Variants in APBB1IP observed in about 807,000 individuals in gnomAD.
APBB1IP encodes the protein amyloid beta A4 precursor protein-binding family B member 1-interacting protein.
A neutral mutation model predicts 64.9 loss-of-function variants in APBB1IP; 27 were observed. The observed-to-expected ratio is 0.42, with a 90% CI of 0.31 to 0.57. The LOEUF is 0.57. Ranked by LOEUF, APBB1IP falls within the 20% of genes least tolerant of loss-of-function variation. The pLI is 0.20. For synonymous variants in APBB1IP, 392 were observed against 331.0 expected, an observed-to-expected ratio of 1.18 and a Z score of -2.00; for missense variants, 812 against 845.5, an observed-to-expected ratio of 0.96 and a Z score of 0.49.
chr10:26,490,063 A>G (rs1280902569), intron 2 of APBB1IP, among the ~76,000 whole-genome samples: 2 of 152,184 alleles, frequency 1.3e-5, no homozygotes, highest in Non-Finnish European at 2.9e-5. Flanking sequence ...CAATGGAATC[A>G]TTTTTAAGAA....
chr10:26,449,451 A>G (rs4601668), intron 2 of APBB1IP, among the ~76,000 whole-genome samples: 60,708 of 152,016 alleles, frequency 0.4, 12,274 homozygotes, highest in South Asian at 0.5. Flanking sequence ...TAAGCACTTC[A>G]TATGCACCAG....
intron 11 of APBB1IP, among the ~76,000 whole-genome samples, chr10:26,550,380 G>T (rs902793505): frequency 5.3e-5 from 8 of 151,860 alleles, no homozygotes; most frequent in African/African-American, 1.5e-4. Context: ...TTTAAAGTTA[G>T]TTACATGTAG....
At chr10:26,539,643 C>A (rs1186625947) in intron 10 of APBB1IP, among the ~76,000 whole-genome samples, 1 of 151,980 alleles carries the variant, frequency 6.6e-6, no homozygotes, top group Non-Finnish European at 1.5e-5. Flanking sequence ...ATTTTTAATA[C>A]CTTATGGCCA....
At chr10:26,523,391 GT>G (rs1442554203) in intron 8 of APBB1IP, among the ~76,000 whole-genome samples, 4 of 152,218 alleles carry the variant, frequency 2.6e-5, no homozygotes, top group Non-Finnish European at 5.9e-5. Flanking sequence ...AAAAGGATTT[GT>G]GATGAGTCTT....
At chr10:26,450,374 TG>T (rs1319974187) in intron 2 of APBB1IP, among the ~76,000 whole-genome samples, 20 of 152,060 alleles carry the variant, frequency 1.3e-4, no homozygotes, top group African/African-American at 4.3e-4. Context: ...CCTTGTATTT[TG>T]ACATTTTGAA....
intron 11 of APBB1IP, among the ~76,000 whole-genome samples, chr10:26,543,206 C>A (rs1420829597): frequency 6.6e-6 from 1 of 151,938 alleles, no homozygotes; most frequent in Admixed American, 6.6e-5. Context: ...GTGGCTCACA[C>A]CTGTAGTCCC....
chr10:26,451,541 G>A (rs1195918358), intron 2 of APBB1IP, among the ~76,000 whole-genome samples: 3 of 152,194 alleles, frequency 2.0e-5, no homozygotes, highest in East Asian at 1.9e-4. Flanking sequence ...CCATTTGGAC[G>A]TCCAGAATCA....
chr10:26,553,635 G>A (rs578148448), intron 11 of APBB1IP, among the ~76,000 whole-genome samples: 22 of 152,270 alleles, frequency 1.4e-4, no homozygotes, highest in African/African-American at 5.3e-4. Context: ...TCCAGCCTGG[G>A]CAACAGAGGC....
At chr10:26,461,009 A>G (rs1835583012) in intron 2 of APBB1IP, among the ~76,000 whole-genome samples, 1 of 152,146 alleles carries the variant, frequency 6.6e-6, no homozygotes, top group Admixed American at 6.5e-5. Context: ...AATCACAGGT[A>G]GAATCCTAAC....
intron 8 of APBB1IP, among the ~76,000 whole-genome samples, chr10:26,531,817 A>G (rs1836558370): frequency 6.6e-6 from 1 of 152,174 alleles, no homozygotes; most frequent in African/African-American, 2.4e-5. Flanking sequence ...CATGGTGCAC[A>G]TGCCTATAGT....
intron 2 of APBB1IP, among the ~76,000 whole-genome samples, chr10:26,487,006 A>G (rs1192650902): frequency 6.6e-6 from 1 of 152,140 alleles, no homozygotes; most frequent in East Asian, 1.9e-4. Context: ...TTTCTTTTTC[A>G]TCAACAACTT....
At chr10:26,438,543 G>A (rs191245059) in intron 1 of APBB1IP, 88 bp downstream of exon 1, 1 of 152,160 alleles carries the variant, frequency 6.6e-6, no homozygotes, top group Non-Finnish European at 1.5e-5. Context: ...TGTAGTAGGG[G>A]TGGGATGGGG....
In APBB1IP at chr10:26,445,720, A is replaced by G. The variant is rs372989979; in HGVS notation, c.-1+6867A>G. Among the ~76,000 whole-genome samples, 354 of 152,332 alleles carry G rather than the reference A, an allele frequency of 2.3e-3. 4 individuals are homozygous for G. Among genetic ancestry groups the G allele is most frequent in the African/African-American group, 8.3e-3 (345 of 41,566 alleles). On this transcript the variant is annotated intron_variant, in intron 2 of 14. Transcript: ENST00000376236. ...TTTAGAATTTCAAAATCCAAACCAG[A>G]TTTGGAAGATAGGAATGTTTGCCCC...
At chr10:26,548,268 T>C (rs1214986947) in intron 11 of APBB1IP, among the ~76,000 whole-genome samples, 3 of 152,096 alleles carry the variant, frequency 2.0e-5, no homozygotes, top group African/African-American at 4.8e-5. Context: ...ACATGTGCCA[T>C]GTTGGTGTGC....
chr10:26,538,344 A>G (rs1415412481), intron 10 of APBB1IP, among the ~76,000 whole-genome samples: 2 of 152,168 alleles, frequency 1.3e-5, no homozygotes, highest in African/African-American at 4.8e-5. Flanking sequence ...GAATCAATAG[A>G]AAGGTACCAT....
intron 9 of APBB1IP, among the ~76,000 whole-genome samples, chr10:26,534,270 G>C (rs2132463830): frequency 7.6e-6 from 1 of 131,944 alleles, no homozygotes; most frequent in African/African-American, 2.9e-5. Context: ...AGGCCAGCCT[G>C]GGCAACAAAG....
chr10:26,563,049 T>A (rs1330186589), intron 14 of APBB1IP, among the ~76,000 whole-genome samples: 1 of 152,206 alleles, frequency 6.6e-6, no homozygotes, highest in East Asian at 1.9e-4. Flanking sequence ...ATTTTAGCCC[T>A]CTCTGATAGT....
chr10:26,549,655 G>C (rs1836806668), intron 11 of APBB1IP, among the ~76,000 whole-genome samples: 1 of 151,830 alleles, frequency 6.6e-6, no homozygotes. Context: ...AGTATCAGTT[G>C]TAATGTCTTT....
chr10:26,480,834 C>A (rs538792796), intron 2 of APBB1IP, among the ~76,000 whole-genome samples: 1 of 151,910 alleles, frequency 6.6e-6, no homozygotes, highest in Admixed American at 6.6e-5. Flanking sequence ...GAGATAGATT[C>A]ATGAGAAAAT....
Sources: gnomAD v4.1 joint callset for allele counts (sites outside exome capture counted in the v4.1 genomes callset) on GRCh38, gnomAD v4.1.1 for gene constraint, MANE v1.5 for transcripts, NCBI Gene and HGNC (gene_info 2026-07-23, HGNC 2026-07-21) for gene names.